The following METTL8 variants were observed in gnomAD, a reference collection of about 807,000 sequenced individuals.
The protein encoded by METTL8 is tRNA N(3)-cytidine methyltransferase METTL8, mitochondrial.
A neutral mutation model predicts 48.7 loss-of-function variants in METTL8; 32 were observed. That is an observed-to-expected ratio of 0.66 (90% CI 0.50 to 0.88). METTL8 has a LOEUF of 0.88. METTL8 is among the 40% of genes least tolerant of loss of function. The probability of loss-of-function intolerance (pLI) is 0.00; values close to 1 mark genes in which losing one functional copy is unlikely to be tolerated. For synonymous variants in METTL8, 136 were observed against 157.1 expected (o/e 0.87, Z 1.01); for missense variants, 464 against 474.4 (o/e 0.98, Z 0.20).
At chr2:171,434,449 C>T, upstream of METTL8, 1 of 1,482,962 alleles carries the variant, frequency 6.7e-7, no homozygotes, top group Non-Finnish European at 9.1e-7. Flanking sequence ...CTCCCCGTGT[C>T]AGCTTTCCCT....
At chr2:171,411,433 A>G (rs916764345) in intron 1 of METTL8, among the ~76,000 whole-genome samples, 6 of 152,234 alleles carry the variant, frequency 3.9e-5, no homozygotes, top group Non-Finnish European at 8.8e-5. Flanking sequence ...CACACTGTCA[A>G]ACAGATAAGT....
At chr2:171,326,447 T>C (rs11691073) in intron 7 of METTL8, 60,886 of 277,936 alleles carry the variant, frequency 0.22, 7,169 homozygotes, top group Non-Finnish European at 0.25. Context: ...CCACAGATGT[T>C]TCCTGGTACT....
intron 1 of METTL8, among the ~76,000 whole-genome samples, chr2:171,405,248 A>G (rs1416961606): frequency 6.6e-6 from 1 of 152,164 alleles, no homozygotes; most frequent in South Asian, 2.1e-4. Flanking sequence ...GTATCTGGGA[A>G]TCAAGTCCTG....
chr2:171,404,557 C>A (rs895068060), intron 1 of METTL8, among the ~76,000 whole-genome samples: 19 of 151,976 alleles, frequency 1.3e-4, no homozygotes, highest in African/African-American at 4.4e-4. Context: ...AAAACTTCTG[C>A]CTTGTTTATT....
chr2:171,404,397 A>G (rs568290957), intron 1 of METTL8, among the ~76,000 whole-genome samples: 48 of 152,128 alleles, frequency 3.2e-4, no homozygotes, highest in African/African-American at 1.1e-3. Flanking sequence ...TGACGGTGTC[A>G]ATGGCTGGCT....
chr2:171,384,446 G>A (rs1463565985), intron 2 of METTL8, among the ~76,000 whole-genome samples: 5 of 151,992 alleles, frequency 3.3e-5, no homozygotes, highest in Non-Finnish European at 7.4e-5. Context: ...GGTGGTCGAG[G>A]CTGCAGTGAG....
chr2:171,343,483 G>A (rs954272251), intron 3 of METTL8, among the ~76,000 whole-genome samples: 1 of 150,524 alleles, frequency 6.6e-6, no homozygotes, highest in South Asian at 2.1e-4. Context: ...AAATAATAAA[G>A]GAAAATAATA....
intron 2 of METTL8, chr2:171,374,845 G>A (rs1686782234): frequency 1.4e-6 from 1 of 726,538 alleles, no homozygotes; most frequent in Admixed American, 2.0e-5. Context: ...GTAGGTGTAT[G>A]TTTAACTTTT....
chr2:171,363,227 T>C (rs1316983493), intron 2 of METTL8, among the ~76,000 whole-genome samples: 3 of 152,124 alleles, frequency 2.0e-5, no homozygotes, highest in Non-Finnish European at 4.4e-5. Context: ...GATTTTTTTT[T>C]TTTTTACACC....
At chr2:171,364,955 A>AT (rs771431214) in intron 2 of METTL8, among the ~76,000 whole-genome samples, 26 of 152,266 alleles carry the variant, frequency 1.7e-4, no homozygotes, top group Non-Finnish European at 3.1e-4. Context: ...GAAAATATTT[A>AT]TTCTTAGGTT....
At position 171,318,012 on chromosome 2, in the gene METTL8, C is replaced by G. The variant is rs187162568; in HGVS notation, c.*6160G>C. The G allele has an allele frequency of 1.3e-5, 2 of 152,322 alleles. No individual in the cohort carries two copies. The highest frequency in any genetic ancestry group is 3.9e-4 in the East Asian group (2 of 5,192). The allele number at this position is 152,322 out of a possible 1,614,324, so 9.4% of individuals were successfully genotyped here. ...CAGAACTATTATTACTTGCTTGTTACTGCATGTTGCTGATTCATACTCATA... is the reference window on the plus strand; with the variant it reads ...CAGAACTATTATTACTTGCTTGTTAGTGCATGTTGCTGATTCATACTCATA... On this transcript the variant is annotated 3_prime_UTR_variant, in exon 10 of 10. Coordinates refer to ENST00000375258, the MANE Select transcript of METTL8 (RefSeq NM_001321154.2).
intron 2 of METTL8, chr2:171,374,920 A>T: frequency 1.6e-6 from 2 of 1,229,778 alleles, no homozygotes; most frequent in South Asian, 2.4e-5. Flanking sequence ...AGTCTTTAAG[A>T]ACTCAGCTCC....
At chr2:171,382,365 T>C in intron 2 of METTL8, among the ~76,000 whole-genome samples, 1 of 152,178 alleles carries the variant, frequency 6.6e-6, no homozygotes, top group Non-Finnish European at 1.5e-5. Context: ...CATGGAATAC[T>C]ATGCAGCCAT....
In METTL8 at chr2:171,339,249, GT is replaced by G; in HGVS notation, c.540del (p.Lys180AsnfsTer22). On this transcript the variant is annotated frameshift_variant, in exon 4 of 10. Coordinates refer to ENST00000375258, the MANE Select transcript of METTL8 (RefSeq NM_001321154.2). LOFTEE classifies it high-confidence loss of function. ...ESDFSNLDSE[K>X]HKKGPMETGL... Reference sequence around the variant, plus strand: ...CCAGTCTCCATAGGTCCTTTTTTGTGTTTTTCAGAGTCTAGGTTGGAAAAAT... The same window carrying G: ...CCAGTCTCCATAGGTCCTTTTTTGTGTTTTCAGAGTCTAGGTTGGAAAAAT... 1.2e-6 allele frequency: 2 copies of G among 1,603,544 alleles called. No homozygotes were observed. Among genetic ancestry groups the G allele is most frequent in the Non-Finnish European group, 1.7e-6 (2 of 1,175,888 alleles).
chr2:171,325,419 C>T (rs919331578), intron 9 of METTL8, among the ~76,000 whole-genome samples: 1 of 152,214 alleles, frequency 6.6e-6, no homozygotes, highest in Non-Finnish European at 1.5e-5. Context: ...AAATTCCTGG[C>T]TTCAAGCAAT....
intron 7 of METTL8, among the ~76,000 whole-genome samples, chr2:171,329,159 C>T (rs1022344689): frequency 1.9e-4 from 28 of 149,522 alleles, no homozygotes; most frequent in South Asian, 2.1e-4. Flanking sequence ...CTACAGGAGG[C>T]AGAGGTTTCA....
intron 1 of METTL8, among the ~76,000 whole-genome samples, chr2:171,413,355 A>G (rs1317583327): frequency 6.6e-6 from 1 of 152,226 alleles, no homozygotes; most frequent in Non-Finnish European, 1.5e-5. Context: ...CCAGAACAAC[A>G]TATCACAACA....
intron 1 of METTL8, among the ~76,000 whole-genome samples, chr2:171,427,722 C>T (rs149907129): frequency 6.6e-6 from 1 of 152,308 alleles, no homozygotes. Flanking sequence ...TCCAGCACAT[C>T]ACCCTGTTTT....
At chr2:171,370,562 T>C (rs1686217771) in intron 2 of METTL8, among the ~76,000 whole-genome samples, 1 of 151,900 alleles carries the variant, frequency 6.6e-6, no homozygotes, top group Non-Finnish European at 1.5e-5. Context: ...GAGGCCGAGG[T>C]GGGCAGATCA....
Sources: gnomAD v4.1 joint callset for allele counts (sites outside exome capture counted in the v4.1 genomes callset) on GRCh38, gnomAD v4.1.1 for gene constraint, MANE v1.5 for transcripts, NCBI Gene and HGNC (gene_info 2026-07-23, HGNC 2026-07-21) for gene names.